The following BPIFB2 variants were observed in gnomAD, a reference collection of about 807,000 sequenced individuals.
The protein encoded by BPIFB2 is BPI fold containing family B member 2.
In BPIFB2, 39 loss-of-function variants were observed where a neutral mutation model predicts 50.1. The ratio of observed to expected loss-of-function variants is 0.78; its 90% CI spans 0.60 to 1.02. The LOEUF (loss-of-function observed/expected upper bound fraction) is 1.02, where lower values mean the gene tolerates loss of function less well. Among genes scored for constraint, BPIFB2 ranks in the 50% least tolerant of loss-of-function variants. The pLI, the probability that BPIFB2 is intolerant of heterozygous loss-of-function variation, is 0.00. For synonymous variants in BPIFB2, 280 were observed against 256.3 expected, an observed-to-expected ratio of 1.09 and a Z score of -0.88; for missense variants, 574 against 585.8, an observed-to-expected ratio of 0.98 and a Z score of 0.21.
chr20:33,022,993 T>C lies in BPIFB2; in HGVS notation c.1336-349T>C, dbSNP rs182452834. On this transcript the variant is annotated intron_variant, in intron 15 of 15. Coordinates refer to ENST00000170150, the MANE Select transcript of BPIFB2 (RefSeq NM_025227.3). The stretch of plus-strand genomic sequence containing the variant: ...AATGCTCCTGCAGTGGAGTGTAGCA[T>C]AGGGGAGCTATGGGGGGTGCCTGAG... Among the ~76,000 whole-genome samples the C allele has an allele frequency of 2.7e-3, 412 of 152,194 alleles. 5 individuals carry two copies. Among genetic ancestry groups the C allele is most frequent in the East Asian group, 8.9e-3 (46 of 5,164 alleles).
chr20:33,023,001 C>G (rs750937906), intron 15 of BPIFB2, among the ~76,000 whole-genome samples: 11 of 152,106 alleles, frequency 7.2e-5, no homozygotes, highest in Admixed American at 2.0e-4. Context: ...CATAGGGGAG[C>G]TATGGGGGGT....
At chr20:33,023,119 T>C (rs1271538756) in intron 15 of BPIFB2, among the ~76,000 whole-genome samples, 1 of 152,152 alleles carries the variant, frequency 6.6e-6, no homozygotes, top group African/African-American at 2.4e-5. Flanking sequence ...AACCAGTGCC[T>C]TCCATGGGGG....
chr20:33,020,717 G>A (rs1270549612), intron 13 of BPIFB2, 130 bp downstream of exon 13: 12 of 1,051,890 alleles, frequency 1.1e-5, no homozygotes, highest in African/African-American at 1.6e-5. Context: ...AGGCTTCCCC[G>A]GGCTGCTTGG....
chr20:33,018,965 G>T, intron 9 of BPIFB2, 97 bp from the exon 10 acceptor site: 1 of 1,583,836 alleles, frequency 6.3e-7, no homozygotes, highest in Non-Finnish European at 8.7e-7. Flanking sequence ...AGGGTTAAAC[G>T]GGGGCTATGG....
chr20:33,011,023 G>A lies in BPIFB2; in HGVS notation c.110-1G>A, dbSNP rs557292642. 2 of 1,613,844 alleles carry A rather than the reference G, an allele frequency of 1.2e-6. No individual in the cohort carries two copies. Among genetic ancestry groups the A allele is most frequent in the South Asian group, 2.2e-5 (2 of 91,054 alleles). ...GACCTCACTCTACCCTGGCCCCACA[G>A]TGTCTGAAATTGGGAAAGCCCCTCT... On this transcript the variant is annotated splice_acceptor_variant, in intron 2 of 15. Transcript: ENST00000170150. LOFTEE classifies it high-confidence loss of function.
At chr20:33,008,069 G>A (rs1382148804) in intron 1 of BPIFB2, among the ~76,000 whole-genome samples, 1 of 152,130 alleles carries the variant, frequency 6.6e-6, no homozygotes, top group African/African-American at 2.4e-5. Flanking sequence ...GGCCAGGAGG[G>A]GATGAGGACA....
chr20:33,011,156 C>A, intron 3 of BPIFB2, 39 bp downstream of exon 3: 1 of 1,585,166 alleles, frequency 6.3e-7, no homozygotes, highest in African/African-American at 1.3e-5. Context: ...GCTCCTGCCA[C>A]CAAGTGGAGT....
At position 33,015,295 on chromosome 20, in the gene BPIFB2, G is replaced by T. The variant is rs114832412; in HGVS notation, c.456-141G>T. Reference sequence around the variant, plus strand: ...GCCAGTTATGCCAGCACTGTGTCTGGCAGATGGCAGGGCATCGAATGGAAT... The same window carrying T: ...GCCAGTTATGCCAGCACTGTGTCTGTCAGATGGCAGGGCATCGAATGGAAT... On this transcript the variant is annotated intron_variant, in intron 5 of 15. Transcript: ENST00000170150. 2.0e-3 allele frequency: 1,290 copies of T among 646,176 alleles called. 14 individuals carry two copies. In the African/African-American group the frequency reaches 0.021, roughly 11 times the overall value. 40.0% of individuals were successfully genotyped at this position (646,176 alleles called of 1,614,324 possible).
At chr20:33,019,038 TG>T (rs777070861) in intron 9 of BPIFB2, 23 bp from the exon 10 acceptor site, 5 of 1,614,140 alleles carry the variant, frequency 3.1e-6, no homozygotes, top group Non-Finnish European at 4.2e-6. Flanking sequence ...TAAAACCTGT[TG>T]TGGCCTGGGG....
chr20:33,013,686 G>A (rs1211477527), intron 4 of BPIFB2, 124 bp from the exon 5 acceptor site: 5 of 1,379,102 alleles, frequency 3.6e-6, no homozygotes, highest in African/African-American at 1.4e-5. Flanking sequence ...CACTCTGGGA[G>A]TGGGGGGCCT....
intron 6 of BPIFB2, among the ~76,000 whole-genome samples, chr20:33,016,278 G>A (rs1978427037): frequency 6.6e-6 from 1 of 152,070 alleles, no homozygotes; most frequent in African/African-American, 2.4e-5. Flanking sequence ...GTGAAGGTGG[G>A]GCAGCTCCTC....
intron 8 of BPIFB2, 105 bp from the exon 9 acceptor site, chr20:33,018,532 C>T (rs1978519572): frequency 2.9e-6 from 4 of 1,391,774 alleles, no homozygotes; most frequent in Non-Finnish European, 3.9e-6. Context: ...CTTGCAGGGG[C>T]TGGGGGGCAG....
rs553810301 is a variant in BPIFB2 at position 33,008,532 on chromosome 20, C to A, written c.-34-9C>A. ...TGGCTGAGCTCCCTGATGCTCATTT[C>A]TACCCCAGCCCACAGATCCTGTGGG... On this transcript the variant is annotated splice_polypyrimidine_tract_variant and intron_variant, in intron 1 of 15. Coordinates refer to ENST00000170150, the MANE Select transcript of BPIFB2 (RefSeq NM_025227.3). The A allele has an allele frequency of 2.0e-6, 3 of 1,512,188 alleles. No homozygotes were observed. The highest frequency in any genetic ancestry group is 4.9e-5 in the East Asian group (2 of 40,862). The allele number at this position is 1,512,188 out of a possible 1,614,324, so 93.7% of individuals were successfully genotyped here. A position where few individuals can be genotyped will look rare whatever the true frequency, so the allele number is the denominator to read the frequency against.
At chr20:33,016,901 G>A in intron 6 of BPIFB2, 141 bp from the exon 7 acceptor site, 1 of 706,930 alleles carries the variant, frequency 1.4e-6, no homozygotes, top group Non-Finnish European at 2.3e-6. Flanking sequence ...GATGCCCACT[G>A]GCGGGTGGAG....
intron 7 of BPIFB2, among the ~76,000 whole-genome samples, chr20:33,017,307 T>A (rs1200379678): frequency 6.6e-6 from 1 of 152,248 alleles, no homozygotes; most frequent in Non-Finnish European, 1.5e-5. Context: ...AAGTCTTTGA[T>A]TCTAGAATCT....
intron 8 of BPIFB2, 38 bp from the exon 9 acceptor site, chr20:33,018,599 T>C: frequency 6.4e-7 from 1 of 1,564,506 alleles, no homozygotes; most frequent in Non-Finnish European, 8.7e-7. Flanking sequence ...GCTGAGGCCC[T>C]GCTGCTTTTC....
chr20:33,011,044 C>T lies in BPIFB2; in HGVS notation c.130C>T (p.Pro44Ser), dbSNP rs543121940. The T allele has an allele frequency of 6.8e-6, 11 of 1,614,052 alleles. No homozygotes were observed. In the East Asian group the frequency reaches 1.6e-4, roughly 23 times the overall value. ...CACAGTGTCTGAAATTGGGAAAGCCCCTCTCCAGCGGGCCCTGCAGGTCAC... is the reference window on the plus strand; with the variant it reads ...CACAGTGTCTGAAATTGGGAAAGCCTCTCTCCAGCGGGCCCTGCAGGTCAC... The part of the protein sequence containing the change: ...LSYVSEIGKA[P>S]LQRALQVTVP... Residue 44 changes from proline to serine, a missense_variant, in exon 3 of 16, where the codon CCT (proline) becomes TCT (serine). By Grantham distance (74) the Pro-to-Ser change is moderately conservative. Coordinates refer to ENST00000170150, the MANE Select transcript of BPIFB2 (RefSeq NM_025227.3).
chr20:33,021,487 G>A, intron 14 of BPIFB2, 143 bp downstream of exon 14: 1 of 997,214 alleles, frequency 1.0e-6, no homozygotes, highest in South Asian at 1.5e-5. Flanking sequence ...GCCCATGTGT[G>A]CATGCCCCTT....
chr20:33,019,228 T>C lies in BPIFB2; in HGVS notation c.909+113T>C, dbSNP rs192637650. The C allele has an allele frequency of 2.9e-6, 4 of 1,356,122 alleles. No homozygotes were observed. In the African/African-American group the frequency reaches 4.3e-5, roughly 15 times the overall value. The allele number at this position is 1,356,122 out of a possible 1,614,324, so 84.0% of individuals were successfully genotyped here. A position where few individuals can be genotyped will look rare whatever the true frequency, so the allele number is the denominator to read the frequency against. ...TCTGTCCCAAGTGAAGTTCAGCATC[T>C]GTCCTTAAACCTACTCCTCCATCTT... is the stretch of plus-strand genomic sequence containing the variant. On this transcript the variant is annotated intron_variant, in intron 10 of 15. Coordinates refer to ENST00000170150, the MANE Select transcript of BPIFB2 (RefSeq NM_025227.3).
Sources: allele counts gnomAD v4.1 joint callset (sites outside exome capture counted in the v4.1 genomes callset), GRCh38; gene constraint gnomAD v4.1.1; transcripts MANE v1.5; gene names NCBI Gene and HGNC (gene_info 2026-07-23, HGNC 2026-07-21).